RGS6: variants seen among roughly 807,000 people sequenced by gnomAD.
RGS6 encodes the protein regulator of G protein signaling 6, also known as regulator of G-protein signaling 6.
RGS6 carries 30 observed loss-of-function variants against 78.5 expected under a neutral mutation model. That is an observed-to-expected ratio of 0.38 (90% CI 0.29 to 0.52). The LOEUF (loss-of-function observed/expected upper bound fraction) is 0.52. Among genes scored for constraint, RGS6 ranks in the 20% least tolerant of loss-of-function variants. RGS6 has a pLI of 0.85. For synonymous variants in RGS6, 206 were observed against 206.0 expected (o/e 1.00, Z 0.00); for missense variants, 495 against 609.7 (o/e 0.81, Z 1.98).
chr14:72,268,504 C>T (rs2059419685), intron 2 of RGS6, among the ~76,000 whole-genome samples: 1 of 152,204 alleles, frequency 6.6e-6, no homozygotes. Flanking sequence ...ATTTTCCTCA[C>T]TTCCTCCCTC....
intron 6 of RGS6, among the ~76,000 whole-genome samples, 156 bp from the exon 7 acceptor site, chr14:72,465,590 ATGGATGGATGGT>A (rs1566913964): frequency 3.0e-4 from 44 of 147,276 alleles, no homozygotes; most frequent in African/African-American, 1.0e-3. Flanking sequence ...GGATGGATGG[ATGGATGGATGGT>A]TGGGTGGATG....
At chr14:72,220,359 A>T (rs1262539745) in intron 2 of RGS6, among the ~76,000 whole-genome samples, 1 of 151,886 alleles carries the variant, frequency 6.6e-6, no homozygotes, top group Non-Finnish European at 1.5e-5. Context: ...TATATCCTTT[A>T]TTGATCCTTT....
At chr14:72,081,699 T>G (rs948260143) in intron 2 of RGS6, among the ~76,000 whole-genome samples, 1 of 152,110 alleles carries the variant, frequency 6.6e-6, no homozygotes, top group Non-Finnish European at 1.5e-5. Context: ...GATGTCTTTT[T>G]TATTTAGCCT....
rs574579250 is a variant in RGS6, at chr14:71,977,739, G to A, written c.84+12864G>A. Among the ~76,000 whole-genome samples the A allele has an allele frequency of 8.0e-4, 121 of 151,550 alleles. 2 individuals are homozygous for A. The South Asian group carries it at 0.017, about 21-fold the overall frequency. The stretch of plus-strand genomic sequence containing the variant: ...TCTTTTGGCTTAGGATTGCCTTGGC[G>A]ATGCGGGCTCTTTTTTGGTTCCATA... On this transcript the variant is annotated intron_variant, in intron 2 of 17. Coordinates refer to ENST00000553525, the MANE Select transcript of RGS6 (RefSeq NM_001204424.2).
At chr14:72,569,451 G>A (rs1279167134), downstream of RGS6, among the ~76,000 whole-genome samples, 2 of 152,234 alleles carry the variant, frequency 1.3e-5, no homozygotes, top group East Asian at 1.9e-4. Flanking sequence ...AGGCCGAGGT[G>A]GGCGGGTCAC....
At chr14:71,919,933 G>A in the RGS6 span, among the ~76,000 whole-genome samples, 9 of 152,194 alleles carry the variant, frequency 5.9e-5, no homozygotes, top group African/African-American at 9.6e-5. Flanking sequence ...GGTGGAGGTC[G>A]CAGTGATCAG....
At chr14:72,225,000 C>T (rs2047771852) in intron 2 of RGS6, among the ~76,000 whole-genome samples, 1 of 152,150 alleles carries the variant, frequency 6.6e-6, no homozygotes, top group African/African-American at 2.4e-5. Context: ...TGTTTTCCTA[C>T]AAGAATATTA....
chr14:72,206,524 T>C (rs2042748024), intron 2 of RGS6, among the ~76,000 whole-genome samples: 1 of 152,118 alleles, frequency 6.6e-6, no homozygotes, highest in African/African-American at 2.4e-5. Context: ...TACCTGAGAC[T>C]GGGCAATTTA....
At chr14:72,036,200 A>AGTCTTATTATTATTATTATTAT (rs138140828) in intron 2 of RGS6, among the ~76,000 whole-genome samples, 68 of 146,812 alleles carry the variant, frequency 4.6e-4, no homozygotes, top group African/African-American at 1.5e-3. Flanking sequence ...GCATGTAAAC[A>AGTCTTATTATTATTATTATTAT]TATTATTATT....
At position 72,153,290 on chromosome 14, in the gene RGS6, C is replaced by G. The variant is rs1363565398; in HGVS notation, c.84+188415C>G. Among the ~76,000 whole-genome samples, 5 of 152,168 alleles carry G rather than the reference C, an allele frequency of 3.3e-5. No individual in the cohort carries two copies. The East Asian group carries it at 9.6e-4, about 29-fold the overall frequency. ...TTACGGGGCTGCTCAGCCTGACAGCCTCGCATTATCTGGTGACCACAGAGT... is the reference window on the plus strand; with the variant it reads ...TTACGGGGCTGCTCAGCCTGACAGCGTCGCATTATCTGGTGACCACAGAGT... On this transcript the variant is annotated intron_variant, in intron 2 of 17. Transcript: ENST00000553525.
chr14:72,160,607 G>C (rs2096839387), intron 2 of RGS6, among the ~76,000 whole-genome samples: 1 of 152,318 alleles, frequency 6.6e-6, no homozygotes, highest in South Asian at 2.1e-4. Flanking sequence ...TTAAGTTAAA[G>C]TGAAAATGAG....
intron 2 of RGS6, among the ~76,000 whole-genome samples, chr14:72,162,745 C>T (rs968391826): frequency 6.6e-6 from 1 of 151,934 alleles, no homozygotes; most frequent in East Asian, 1.9e-4. Flanking sequence ...GTAACCAGTC[C>T]AAATGCCCAT....
chr14:72,138,030 G>A (rs560603015), intron 2 of RGS6, among the ~76,000 whole-genome samples: 1 of 152,240 alleles, frequency 6.6e-6, no homozygotes, highest in South Asian at 2.1e-4. Flanking sequence ...CTATACAAAA[G>A]GACGCTTATT....
At chr14:71,973,009 C>T (rs2093905315) in intron 2 of RGS6, among the ~76,000 whole-genome samples, 1 of 152,202 alleles carries the variant, frequency 6.6e-6, no homozygotes, top group African/African-American at 2.4e-5. Flanking sequence ...AAGACAGAGT[C>T]TGTAAATGGA....
chr14:72,174,744 C>T (rs949446138), intron 2 of RGS6, among the ~76,000 whole-genome samples: 12 of 152,102 alleles, frequency 7.9e-5, no homozygotes, highest in Non-Finnish European at 1.3e-4. Context: ...GATATGGCTT[C>T]GGGTGACAAC....
intron 17 of RGS6, chr14:72,552,705 A>C (rs2153535078): frequency 6.6e-6 from 1 of 152,342 alleles, no homozygotes; most frequent in East Asian, 1.9e-4. Flanking sequence ...GAGGTAGTGG[A>C]GGAGTCAGAA....
intron 2 of RGS6, among the ~76,000 whole-genome samples, chr14:72,202,933 C>T (rs1452417692): frequency 2.6e-5 from 4 of 152,016 alleles, no homozygotes; most frequent in Non-Finnish European, 5.9e-5. Flanking sequence ...AGTGCAGTGG[C>T]GCCATCTCTG....
At chr14:72,543,639 G>C (rs1160887853) in intron 17 of RGS6, among the ~76,000 whole-genome samples, 1 of 152,160 alleles carries the variant, frequency 6.6e-6, no homozygotes, top group African/African-American at 2.4e-5. Flanking sequence ...ACTCTTTCCT[G>C]TTGCTTGGTG....
At chr14:72,141,432 G>A (rs1487037471) in intron 2 of RGS6, among the ~76,000 whole-genome samples, 1 of 152,216 alleles carries the variant, frequency 6.6e-6, no homozygotes, top group Non-Finnish European at 1.5e-5. Context: ...TCTCAGCCGA[G>A]TGTAATAGTG....
Sources: allele counts gnomAD v4.1 joint callset (sites outside exome capture counted in the v4.1 genomes callset), GRCh38; gene constraint gnomAD v4.1.1; transcripts MANE v1.5; gene names NCBI Gene and HGNC (gene_info 2026-07-23, HGNC 2026-07-21).